The following FGD6 variants were observed in gnomAD, a reference collection of about 807,000 sequenced individuals.
FGD6 encodes FYVE, RhoGEF and PH domain containing 6.
A neutral mutation model predicts 149.4 loss-of-function variants in FGD6; 90 were observed. The observed-to-expected ratio is 0.60, with a 90% CI of 0.51 to 0.72. The LOEUF (loss-of-function observed/expected upper bound fraction) is 0.72. Ranked by LOEUF, FGD6 falls within the 30% of genes least tolerant of loss-of-function variation. FGD6 has a pLI of 0.00. For synonymous variants in FGD6, 527 were observed against 584.0 expected (o/e 0.90, Z 1.41); for missense variants, 1,437 against 1,684.8 (o/e 0.85, Z 2.57).
rs543750534 is a variant in FGD6 at position 95,168,471 on chromosome 12, G to A, written c.2586+4129C>T. Among the ~76,000 whole-genome samples, 3 of 152,192 alleles carry A rather than the reference G, an allele frequency of 2.0e-5. No homozygotes were observed. In the South Asian group the frequency reaches 6.2e-4, roughly 32 times the overall value. On this transcript the variant is annotated intron_variant, in intron 3 of 20. Coordinates refer to ENST00000343958, the MANE Select transcript of FGD6 (RefSeq NM_018351.4). ...CTGAGGTCAGGAGTTTGAGACCAGCGTGACCAACATGGAGAAACTCCGTCT... is the reference window on the plus strand; with the variant it reads ...CTGAGGTCAGGAGTTTGAGACCAGCATGACCAACATGGAGAAACTCCGTCT...
At chr12:95,191,679 A>G (rs952647884) in intron 2 of FGD6, among the ~76,000 whole-genome samples, 2 of 152,210 alleles carry the variant, frequency 1.3e-5, no homozygotes, top group South Asian at 2.1e-4. Flanking sequence ...TGGATGCTCA[A>G]GTCCCTTATA....
chr12:95,132,774 C>T (rs181826346), intron 8 of FGD6, among the ~76,000 whole-genome samples: 18 of 151,696 alleles, frequency 1.2e-4, no homozygotes, highest in South Asian at 2.1e-4. Flanking sequence ...AATAAATAAA[C>T]AAATAAATAA....
At chr12:95,175,031 T>C (rs564646638) in intron 2 of FGD6, among the ~76,000 whole-genome samples, 2 of 151,878 alleles carry the variant, frequency 1.3e-5, no homozygotes, top group Admixed American at 1.3e-4. Context: ...ATTAAGAATA[T>C]AGTAACTAGG....
At chr12:95,215,153 G>A (rs1035377630) in intron 1 of FGD6, among the ~76,000 whole-genome samples, 2 of 152,056 alleles carry the variant, frequency 1.3e-5, no homozygotes, top group African/African-American at 4.8e-5. Flanking sequence ...GAGCCACTGC[G>A]CCCAGCCTCT....
intron 14 of FGD6, among the ~76,000 whole-genome samples, chr12:95,100,244 C>T (rs950674636): frequency 6.6e-6 from 1 of 152,184 alleles, no homozygotes; most frequent in Non-Finnish European, 1.5e-5. Flanking sequence ...ATTGCACACC[C>T]CCAGCTCCTG....
intron 18 of FGD6, among the ~76,000 whole-genome samples, chr12:95,086,627 C>T (rs918966730): frequency 3.4e-5 from 5 of 148,292 alleles, no homozygotes; most frequent in Non-Finnish European, 7.4e-5. Context: ...GCAAGCTCCA[C>T]CTCCCAGGTT....
intron 6 of FGD6, among the ~76,000 whole-genome samples, chr12:95,140,370 C>A (rs1879806632): frequency 6.6e-6 from 1 of 152,124 alleles, no homozygotes; most frequent in Non-Finnish European, 1.5e-5. Flanking sequence ...TATAAATTTG[C>A]CTTTCTTTGG....
At chr12:95,146,562 A>C (rs1007791891) in intron 5 of FGD6, among the ~76,000 whole-genome samples, 1 of 152,198 alleles carries the variant, frequency 6.6e-6, no homozygotes, top group African/African-American at 2.4e-5. Context: ...TGAAAATGTT[A>C]GTTAGCTATA....
intron 5 of FGD6, among the ~76,000 whole-genome samples, chr12:95,149,752 A>G (rs1880238548): frequency 6.9e-6 from 1 of 145,728 alleles, no homozygotes; most frequent in Non-Finnish European, 1.5e-5. Flanking sequence ...ATAAGTGACT[A>G]TACATATAGT....
At chr12:95,088,248 G>A (rs750956926) in intron 18 of FGD6, among the ~76,000 whole-genome samples, 2 of 152,094 alleles carry the variant, frequency 1.3e-5, no homozygotes, top group Non-Finnish European at 2.9e-5. Flanking sequence ...AGGGTTGTGG[G>A]GGTGAGGGAC....
rs768541504 is a variant in FGD6 at position 95,211,215 on chromosome 12, A to C, written c.69T>G (p.Asn23Lys). The C allele has an allele frequency of 6.2e-6, 10 of 1,608,832 alleles. No individual in the cohort carries two copies. The highest frequency in any genetic ancestry group is 7.6e-6 in the Non-Finnish European group (9 of 1,178,610). ...APKPKFVVANNKPAPPPIAPK... is the reference protein window; with the variant it reads ...APKPKFVVANKKPAPPPIAPK... Reference sequence around the variant, plus strand: ...GTGCAATAGGAGGTGGGGCTGGCTTATTATTTGCCACAACAAACTTGGGCT... The same window carrying C: ...GTGCAATAGGAGGTGGGGCTGGCTTCTTATTTGCCACAACAAACTTGGGCT... The change falls in exon 2 of 21, where the codon AAT becomes AAG. Residue 23 changes from asparagine to lysine, a missense_variant. Coordinates refer to ENST00000343958, the MANE Select transcript of FGD6 (RefSeq NM_018351.4).
chr12:95,211,242 G>A lies in FGD6; in HGVS notation c.42C>T (p.Pro14=). ...TATTTGCCACAACAAACTTGGGCTT[G>A]GGGGCCACTGGTGGCTTCTTTATCT... ...AAEIKKPPVA[P]KPKFVVANNK... is the part of the protein sequence containing the mutation. The change falls in exon 2 of 21, where the codon CCC becomes CCT. Residue 14 remains proline (P), a synonymous_variant. Transcript: ENST00000343958. 1.3e-6 allele frequency: 2 copies of A among 1,588,614 alleles called. No individual in the cohort carries two copies. The highest frequency in any genetic ancestry group is 1.7e-6 in the Non-Finnish European group (2 of 1,172,262).
At chr12:95,193,357 GA>G (rs1881644188) in intron 2 of FGD6, among the ~76,000 whole-genome samples, 1 of 151,268 alleles carries the variant, frequency 6.6e-6, no homozygotes, top group Non-Finnish European at 1.5e-5. Flanking sequence ...AAATCATGCT[GA>G]ATTTTTTTTT....
chr12:95,085,723 A>G, intron 19 of FGD6, 57 bp downstream of exon 19: 1 of 1,539,220 alleles, frequency 6.5e-7, no homozygotes, highest in African/African-American at 1.4e-5. Flanking sequence ...TATTGTAATT[A>G]CTTGCAGTTG....
At chr12:95,165,611 T>A (rs1380306539) in intron 3 of FGD6, among the ~76,000 whole-genome samples, 1 of 151,842 alleles carries the variant, frequency 6.6e-6, no homozygotes, top group African/African-American at 2.4e-5. Flanking sequence ...GTGCTAAGAT[T>A]ACAGGCATGA....
intron 2 of FGD6, among the ~76,000 whole-genome samples, chr12:95,175,448 G>A (rs1441932122): frequency 1.3e-5 from 2 of 152,066 alleles, no homozygotes; most frequent in Non-Finnish European, 2.9e-5. Flanking sequence ...ATGGATGTAA[G>A]AGGAAGAAAA....
intron 8 of FGD6, among the ~76,000 whole-genome samples, chr12:95,124,971 T>C (rs933748359): frequency 5.3e-5 from 8 of 152,216 alleles, no homozygotes; most frequent in African/African-American, 1.9e-4. Flanking sequence ...AGTGCATGCA[T>C]TAATTACTAT....
intron 3 of FGD6, among the ~76,000 whole-genome samples, chr12:95,161,540 A>G (rs1400813099): frequency 1.3e-5 from 2 of 152,138 alleles, no homozygotes; most frequent in South Asian, 2.1e-4. Flanking sequence ...TGCTCCTAAC[A>G]GGAGTCTTGG....
At chr12:95,106,160 C>T (rs1565897279) in intron 13 of FGD6, among the ~76,000 whole-genome samples, 1 of 152,040 alleles carries the variant, frequency 6.6e-6, no homozygotes, top group Non-Finnish European at 1.5e-5. Flanking sequence ...GGGGGTTTCA[C>T]TGTGTTGCCC....
Sources: gnomAD v4.1 joint callset for allele counts (sites outside exome capture counted in the v4.1 genomes callset) on GRCh38, gnomAD v4.1.1 for gene constraint, MANE v1.5 for transcripts, NCBI Gene and HGNC (gene_info 2026-07-23, HGNC 2026-07-21) for gene names.